Variants in NIPA2 observed in about 807,000 individuals in gnomAD.
NIPA2 encodes the protein magnesium transporter NIPA2.
Under a neutral mutation model 29.7 loss-of-function variants are expected in NIPA2, and 11 were observed. The observed-to-expected ratio is 0.37, with a 90% confidence interval of 0.23 to 0.61. The LOEUF is 0.61. NIPA2 is among the 20% of genes least tolerant of loss of function. NIPA2 has a pLI of 0.66. For synonymous variants in NIPA2, 183 were observed against 161.9 expected (o/e 1.13, Z -0.99); for missense variants, 426 against 437.9 (o/e 0.97, Z 0.24).
intron 2 of NIPA2, among the ~76,000 whole-genome samples, chr15:22,843,668 T>G (rs1595256205): frequency 6.7e-6 from 1 of 148,384 alleles, no homozygotes. Context: ...TTTTTTTTTT[T>G]GAGACGGAGT....
At chr15:22,859,534 C>T (rs760725536) in intron 6 of NIPA2, among the ~76,000 whole-genome samples, 4 of 152,176 alleles carry the variant, frequency 2.6e-5, no homozygotes, top group Admixed American at 1.3e-4. Flanking sequence ...CCTCGTGATC[C>T]ACCCGCCTTG....
chr15:22,844,104 T>G (rs1897905544), intron 2 of NIPA2, among the ~76,000 whole-genome samples: 1 of 152,248 alleles, frequency 6.6e-6, no homozygotes, highest in Admixed American at 6.5e-5. Context: ...AGAATACTAG[T>G]CCATTTTTGC....
At chr15:22,850,586 TTAAC>T (rs1235890048) in intron 3 of NIPA2, among the ~76,000 whole-genome samples, 1 of 152,218 alleles carries the variant, frequency 6.6e-6, no homozygotes, top group African/African-American at 2.4e-5. Context: ...CACTCCTTAT[TTAAC>T]TATCTCTTGT....
At chr15:22,855,331 C>T (rs56334573) in intron 5 of NIPA2, among the ~76,000 whole-genome samples, 49,111 of 151,558 alleles carry the variant, frequency 0.32, 8,906 homozygotes, top group Non-Finnish European at 0.41. Flanking sequence ...GCAGGAGAAT[C>T]GCTTGGACCT....
intron 5 of NIPA2, among the ~76,000 whole-genome samples, chr15:22,854,773 T>C (rs955766646): frequency 2.0e-5 from 3 of 152,044 alleles, no homozygotes; most frequent in South Asian, 2.1e-4. Flanking sequence ...AAAATTATTA[T>C]TGACTGTAGT....
intron 3 of NIPA2, among the ~76,000 whole-genome samples, chr15:22,848,754 A>G (rs1382796917): frequency 1.4e-5 from 2 of 138,690 alleles, no homozygotes; most frequent in Non-Finnish European, 3.1e-5. Context: ...GAACCTGGGC[A>G]GTAGAGGTTG....
At chr15:22,844,516 C>T (rs777308883) in intron 2 of NIPA2, among the ~76,000 whole-genome samples, 2 of 151,672 alleles carry the variant, frequency 1.3e-5, no homozygotes, top group Non-Finnish European at 1.5e-5. Context: ...ATGGCGCCAT[C>T]GCACTCCAGC....
At chr15:22,841,530 T>G (rs1897077254) in intron 2 of NIPA2, among the ~76,000 whole-genome samples, 1 of 152,114 alleles carries the variant, frequency 6.6e-6, no homozygotes, top group African/African-American at 2.4e-5. Flanking sequence ...TCTTCTGAGA[T>G]GCAGTTTTGC....
chr15:22,853,703 G>T (rs1449204363), intron 5 of NIPA2, among the ~76,000 whole-genome samples: 1 of 151,590 alleles, frequency 6.6e-6, no homozygotes, highest in East Asian at 2.0e-4. Flanking sequence ...TGAGTACTTA[G>T]TAGGTACTTA....
Position 22,866,668 on chromosome 15 carries a change from G to T in NIPA2, c.904G>T (p.Val302Phe), listed in dbSNP as rs767913997. 3 of 1,613,896 alleles carry T rather than the reference G, an allele frequency of 1.9e-6. No homozygotes were observed. The highest frequency in any genetic ancestry group is 2.5e-6 in the Non-Finnish European group (3 of 1,179,982). The stretch of plus-strand genomic sequence containing the variant: ...ATTCTTGTTGCATGCCTTTAAAGAC[G>T]TCAGCTTTAGTCTAGCAAGTCTGCC... ...GIFLLHAFKD[V>F]SFSLASLPVS... is the part of the protein sequence containing the mutation. The change falls in exon 8 of 8, where the codon GTC (valine) becomes TTC (phenylalanine). Residue 302 changes from valine to phenylalanine, a missense_variant. Physicochemically the swap from Val to Phe is conservative, Grantham distance 50. Around this residue, in one of 3 missense-constraint regions of NIPA2, gnomAD observed 357 missense variants for 339.8 expected, o/e 1.05. Coordinates refer to ENST00000337451, the MANE Select transcript of NIPA2 (RefSeq NM_030922.7).
intron 5 of NIPA2, among the ~76,000 whole-genome samples, chr15:22,858,139 A>G (rs1385391281): frequency 1.3e-5 from 2 of 152,136 alleles, no homozygotes; most frequent in African/African-American, 4.8e-5. Flanking sequence ...CACGCCTGTA[A>G]TCCCAGCACT....
rs1455119881 is a variant in NIPA2 at position 22,867,579 on chromosome 15, C to A, written c.*732C>A. ...CCCATGATGCCTGGAACCTTGATTA[C>A]CGTTTTACATCAGCTCTTGTACTTT... On this transcript the variant is annotated 3_prime_UTR_variant, in exon 8 of 8. Transcript: ENST00000337451. 567 of 190,972 alleles carry A rather than the reference C, an allele frequency of 3.0e-3. 3 individuals are homozygous for A. The highest frequency in any genetic ancestry group is 0.012 in the African/African-American group (538 of 43,206). 11.8% of individuals were successfully genotyped at this position (190,972 alleles called of 1,614,324 possible).
intron 5 of NIPA2, among the ~76,000 whole-genome samples, chr15:22,856,699 T>G (rs1482090988): frequency 1.3e-5 from 2 of 152,182 alleles, no homozygotes; most frequent in East Asian, 3.9e-4. Context: ...TAACAGCTAC[T>G]TCCCTAAAAG....
At chr15:22,846,909 T>TTG (rs199776984) in intron 3 of NIPA2, among the ~76,000 whole-genome samples, 2,003 of 148,932 alleles carry the variant, frequency 0.013, 25 homozygotes, top group Middle Eastern at 0.021. Context: ...GTTGTTTTTT[T>TTG]TTTGTTTGTT....
chr15:22,860,818 G>A lies in NIPA2; in HGVS notation c.448+29G>A, dbSNP rs756618549. 3.9e-6 allele frequency: 6 copies of A among 1,524,398 alleles called. No homozygotes were observed. In the South Asian group the frequency reaches 6.2e-5, roughly 16 times the overall value. 94.4% of individuals were successfully genotyped at this position (1,524,398 alleles called of 1,614,324 possible). The stretch of plus-strand genomic sequence containing the variant: ...AGAAAAAAGTCTTATTAGTCTTACT[G>A]TATTTTACTTTTTAACTTAGTTTTT... On this transcript the variant is annotated intron_variant, in intron 7 of 7. Transcript: ENST00000337451.
chr15:22,850,324 C>CCT (rs797021349), intron 3 of NIPA2, among the ~76,000 whole-genome samples: 150 of 152,160 alleles, frequency 9.9e-4, no homozygotes, highest in African/African-American at 3.5e-3. Flanking sequence ...GTAAGAGAGG[C>CCT]CTCTAGGTGT....
intron 2 of NIPA2, among the ~76,000 whole-genome samples, chr15:22,844,888 G>T (rs936143952): frequency 1.3e-5 from 2 of 152,120 alleles, no homozygotes; most frequent in Non-Finnish European, 2.9e-5. Context: ...TCTCTTAGTC[G>T]TGGAGTCCTT....
intron 2 of NIPA2, among the ~76,000 whole-genome samples, chr15:22,840,428 G>A (rs1317559702): frequency 2.6e-5 from 4 of 151,794 alleles, no homozygotes; most frequent in Non-Finnish European, 5.9e-5. Flanking sequence ...CTCCGGAGTA[G>A]CTGGGGTTAC....
In NIPA2 at chr15:22,845,629, G is replaced by T. The variant is rs547685360; in HGVS notation, c.-94+362G>T. Among the ~76,000 whole-genome samples the T allele has an allele frequency of 5.3e-5, 8 of 152,248 alleles. No individual in the cohort carries two copies. The South Asian group carries it at 1.7e-3, about 32-fold the overall frequency. On this transcript the variant is annotated intron_variant, in intron 3 of 7. Transcript: ENST00000337451. The stretch of plus-strand genomic sequence containing the variant: ...GCTGGAGTTAATTGCAGAAGTCTTT[G>T]TAGCACAGCTTAAGGTGTACCCTGG...
Sources: allele counts gnomAD v4.1 joint callset (sites outside exome capture counted in the v4.1 genomes callset), GRCh38; gene constraint gnomAD v4.1.1; regional missense constraint gnomAD v4.1.1; transcripts MANE v1.5; gene names NCBI Gene and HGNC (gene_info 2026-07-23, HGNC 2026-07-21).